KIF1B: variants seen among roughly 807,000 people sequenced by gnomAD.
KIF1B encodes kinesin-like protein KIF1B.
A neutral mutation model predicts 241.9 loss-of-function variants in KIF1B; 76 were observed. The ratio of observed to expected loss-of-function variants is 0.31; its 90% CI spans 0.26 to 0.38. KIF1B has a LOEUF of 0.38. Among genes scored for constraint, KIF1B ranks in the 10% least tolerant of loss-of-function variants. KIF1B has a pLI of 1.00. For missense variants in KIF1B, 1,622 were observed against 2,271.4 expected (o/e 0.71, Z 5.81); for synonymous variants, 750 against 796.7 (o/e 0.94, Z 0.99).
chr1:10,213,103 C>T (rs1043772779), intron 1 of KIF1B, among the ~76,000 whole-genome samples: 1 of 151,692 alleles, frequency 6.6e-6, no homozygotes, highest in Non-Finnish European at 1.5e-5. Flanking sequence ...TACAGAATGT[C>T]TGTTTTGAAA....
At position 10,365,246 on chromosome 1, in the gene KIF1B, G is replaced by A. The variant is rs1371552044; in HGVS notation, c.4512+1G>A. ...GGAGAAGCTGGAGCTCCTACATGAG[G>A]TATCCAGGGGCAGGGTTGTTCAGAT... On this transcript the variant is annotated splice_donor_variant, in intron 42 of 48. Coordinates refer to ENST00000676179, the MANE Select transcript of KIF1B (RefSeq NM_001365951.3). LOFTEE classifies it high-confidence loss of function. The surrounding 1 kb of genome is among the most constrained non-coding windows in gnomAD (Gnocchi z 4.0). 1 of 1,613,834 alleles carries A rather than the reference G, an allele frequency of 6.2e-7. No homozygotes were observed. Among genetic ancestry groups the A allele is most frequent in the Non-Finnish European group, 8.5e-7 (1 of 1,179,962 alleles).
intron 22 of KIF1B, chr1:10,304,276 A>T (rs1397031386): frequency 2.5e-6 from 4 of 1,614,216 alleles, no homozygotes. Context: ...TCAAGATCAC[A>T]TCCAAGTTAG....
In KIF1B at chr1:10,334,641, A is replaced by T. The variant is rs753646018; in HGVS notation, c.3043+3A>T. On this transcript the variant is annotated splice_donor_region_variant and intron_variant, in intron 28 of 48. Coordinates refer to ENST00000676179, the MANE Select transcript of KIF1B (RefSeq NM_001365951.3). ...TGTGGCTGTACAGGCCATCGCAGGT[A>T]GGTGACCCTCTTCTGAAATGAGAGC... is the stretch of plus-strand genomic sequence containing the variant. 6.2e-7 allele frequency: 1 copy of T among 1,607,492 alleles called. No individual in the cohort carries two copies. The highest frequency in any genetic ancestry group is 2.2e-5 in the East Asian group (1 of 44,832).
intron 2 of KIF1B, among the ~76,000 whole-genome samples, chr1:10,244,400 C>T (rs1202075993): frequency 4.7e-5 from 7 of 150,290 alleles, no homozygotes; most frequent in Non-Finnish European, 7.4e-5. Flanking sequence ...CCGCAACCTC[C>T]GCCTCCCAGG....
In KIF1B at chr1:10,381,287, A is replaced by G. The variant is rs1639016679; in HGVS notation, c.*4700A>G. ...CTCACACATGACAACAAAACCCATA[A>G]TGCATAAGTGGCCTTTTTGAACCAA... On this transcript the variant is annotated 3_prime_UTR_variant, in exon 49 of 49. Coordinates refer to ENST00000676179, the MANE Select transcript of KIF1B (RefSeq NM_001365951.3). 4.4e-6 allele frequency: 1 copy of G among 226,318 alleles called. No individual in the cohort carries two copies. Among genetic ancestry groups the G allele is most frequent in the Admixed American group, 5.7e-5 (1 of 17,548 alleles). The allele number at this position is 226,318 out of a possible 1,614,324, so 14.0% of individuals were successfully genotyped here. A position where few individuals can be genotyped will look rare whatever the true frequency, so the allele number is the denominator to read the frequency against.
chr1:10,289,626 G>GT (rs1649886819), intron 15 of KIF1B, among the ~76,000 whole-genome samples: 1 of 152,186 alleles, frequency 6.6e-6, no homozygotes, highest in African/African-American at 2.4e-5. Flanking sequence ...GCTCACACCT[G>GT]TAATCCCAGC....
intron 27 of KIF1B, among the ~76,000 whole-genome samples, chr1:10,328,527 A>G (rs1040426659): frequency 1.3e-5 from 2 of 152,200 alleles, no homozygotes; most frequent in Admixed American, 1.3e-4. Context: ...TGAGAAAGGT[A>G]TGTACAAATA....
intron 7 of KIF1B, 125 bp from the exon 8 acceptor site, chr1:10,271,377 T>C (rs528304103): frequency 1.0e-5 from 8 of 772,420 alleles, no homozygotes; most frequent in Non-Finnish European, 2.4e-6. Flanking sequence ...GTGCCATATT[T>C]AAAAGCTCTA....
Position 10,282,373 on chromosome 1 carries a change from A to G in KIF1B, c.1274A>G (p.Asn425Ser), listed in dbSNP as rs772133894. ...CATAGATACTTGCTAGCCTCTGAGAATCAACGCCCTGGCCATTTTTCCACA... is the reference window on the plus strand; with the variant it reads ...CATAGATACTTGCTAGCCTCTGAGAGTCAACGCCCTGGCCATTTTTCCACA... ...NKHRYLLASE[N>S]QRPGHFSTAS... The change falls in exon 15 of 49, where the codon AAT becomes AGT. Residue 425 changes from asparagine (N) to serine (S), a missense_variant. Asn to Ser is a conservative substitution (Grantham distance 46). Transcript: ENST00000676179. The G allele has an allele frequency of 2.5e-6, 4 of 1,614,204 alleles. No individual in the cohort carries two copies. Among genetic ancestry groups the G allele is most frequent in the Non-Finnish European group, 3.4e-6 (4 of 1,180,040 alleles).
intron 27 of KIF1B, among the ~76,000 whole-genome samples, chr1:10,333,284 C>T (rs957020871): frequency 7.9e-5 from 12 of 151,356 alleles, no homozygotes; most frequent in African/African-American, 2.2e-4. Context: ...ACAGGAGAAT[C>T]GCTTGAACCC....
At chr1:10,356,806 A>G (rs1454143900) in intron 38 of KIF1B, among the ~76,000 whole-genome samples, 12 of 151,596 alleles carry the variant, frequency 7.9e-5, no homozygotes, top group Admixed American at 5.9e-4. Flanking sequence ...AGGCTGAGGC[A>G]GGAGAATCGC....
rs1489037154 is a variant in KIF1B, at chr1:10,375,278, C to T, written c.5313C>T (p.Cys1771=). The change falls in exon 48 of 49, where the codon TGC becomes TGT. Residue 1771 remains cysteine, a synonymous_variant. Coordinates refer to ENST00000676179, the MANE Select transcript of KIF1B (RefSeq NM_001365951.3). The part of the protein sequence containing the change: ...MVKTPNTFAV[C]TKHRGVLLQA... ...AGACACCAAACACCTTTGCTGTCTGCACAAAGCACCGTGGGGTCCTTTTGC... is the reference window on the plus strand; with the variant it reads ...AGACACCAAACACCTTTGCTGTCTGTACAAAGCACCGTGGGGTCCTTTTGC... 4.3e-6 allele frequency: 7 copies of T among 1,614,158 alleles called. No homozygotes were observed. Among genetic ancestry groups the T allele is most frequent in the Non-Finnish European group, 5.1e-6 (6 of 1,179,990 alleles).
At chr1:10,289,869 A>G (rs1649902158) in intron 15 of KIF1B, among the ~76,000 whole-genome samples, 1 of 152,162 alleles carries the variant, frequency 6.6e-6, no homozygotes, top group Non-Finnish European at 1.5e-5. Flanking sequence ...GGATGACAGA[A>G]TGAGACTCTG....
chr1:10,316,640 A>G (rs779356781), intron 22 of KIF1B, among the ~76,000 whole-genome samples: 5 of 151,230 alleles, frequency 3.3e-5, no homozygotes, highest in Non-Finnish European at 7.4e-5. Flanking sequence ...AGCTGGGACT[A>G]CAGGTGTGTG....
chr1:10,241,980 G>A (rs1276409304), intron 2 of KIF1B, among the ~76,000 whole-genome samples: 4 of 152,150 alleles, frequency 2.6e-5, no homozygotes, highest in African/African-American at 4.8e-5. Context: ...TTCAGTTTTC[G>A]GTAGTACCTG....
chr1:10,275,598 C>T (rs1281260595), intron 11 of KIF1B, 95 bp downstream of exon 11: 4 of 809,362 alleles, frequency 4.9e-6, no homozygotes, highest in Non-Finnish European at 8.8e-6. Context: ...CAAATAATCT[C>T]TAGATATTCA....
At chr1:10,375,485 G>A in intron 48 of KIF1B, 112 bp downstream of exon 48, 1 of 844,506 alleles carries the variant, frequency 1.2e-6, no homozygotes. Context: ...CCTGGTTCAA[G>A]CGATTCTCCT....
At chr1:10,257,863 G>C (rs1647890727) in intron 3 of KIF1B, among the ~76,000 whole-genome samples, 1 of 152,066 alleles carries the variant, frequency 6.6e-6, no homozygotes, top group Non-Finnish European at 1.5e-5. Context: ...TTTTAGTAGA[G>C]ATGGGGTTTC....
At chr1:10,313,115 G>C (rs1172339461) in intron 22 of KIF1B, among the ~76,000 whole-genome samples, 1 of 151,222 alleles carries the variant, frequency 6.6e-6, no homozygotes, top group East Asian at 1.9e-4. Context: ...CACCTAGGCT[G>C]GAGTGTGTGA....
Sources: gnomAD v4.1 joint callset for allele counts (sites outside exome capture counted in the v4.1 genomes callset) on GRCh38, gnomAD v4.1.1 for gene constraint, Gnocchi (gnomAD v3.1) non-coding constraint, MANE v1.5 for transcripts, NCBI Gene and HGNC (gene_info 2026-07-23, HGNC 2026-07-21) for gene names.